Variants in GPM6B observed in about 807,000 individuals in gnomAD.
GPM6B encodes the protein neuronal membrane glycoprotein M6-b.
Under a neutral mutation model 27.2 loss-of-function variants are expected in GPM6B, and 4 were observed. The ratio of observed to expected loss-of-function variants is 0.15; its 90% CI spans 0.07 to 0.34. The LOEUF (loss-of-function observed/expected upper bound fraction) is 0.34, where lower values mean the gene tolerates loss of function less well. Ranked by LOEUF, GPM6B falls within the 10% of genes least tolerant of loss-of-function variation. GPM6B has a pLI of 1.00. For synonymous variants in GPM6B, 124 were observed against 103.1 expected (o/e 1.20, Z -1.23); for missense variants, 183 against 261.9 (o/e 0.70, Z 2.08).
At chrX:13,883,852 C>T (rs1420292963) in intron 1 of GPM6B, among the ~76,000 whole-genome samples, 1 of 56,174 alleles carries the variant, frequency 1.8e-5, no homozygotes, top group East Asian at 8.4e-4. Flanking sequence ...TGTCTCTAAA[C>T]CAAAAAAAAA....
intron 1 of GPM6B, among the ~76,000 whole-genome samples, chrX:13,881,077 T>C (rs1292294770): frequency 8.9e-6 from 1 of 112,180 alleles, no homozygotes; most frequent in Non-Finnish European, 1.9e-5. Flanking sequence ...TTGCCTGTTC[T>C]CCTGTCTTGT....
chrX:13,903,469 T>C (rs2050300630), intron 1 of GPM6B, among the ~76,000 whole-genome samples: 1 of 112,120 alleles, frequency 8.9e-6, no homozygotes, highest in South Asian at 3.7e-4. Flanking sequence ...AGAATAAGTA[T>C]AGGCACTTGC....
intron 1 of GPM6B, among the ~76,000 whole-genome samples, chrX:13,930,570 T>C (rs1370341096): frequency 6.4e-5 from 7 of 109,205 alleles, no homozygotes; most frequent in Admixed American, 2.9e-4. Context: ...GCCGAGATCG[T>C]GCCACTGCAC....
intron 1 of GPM6B, among the ~76,000 whole-genome samples, chrX:13,840,589 A>G (rs2049560888): frequency 1.8e-5 from 2 of 111,650 alleles, no homozygotes; most frequent in Non-Finnish European, 3.8e-5. Flanking sequence ...AGTAAGAAGG[A>G]ATTCCTCCAC....
chrX:13,913,778 G>T (rs1015900948), intron 1 of GPM6B, among the ~76,000 whole-genome samples: 2 of 111,304 alleles, frequency 1.8e-5, no homozygotes, highest in Admixed American at 9.5e-5. Context: ...TCGAGACAGG[G>T]TCTCATTCTG....
chrX:13,821,959 A>C (rs1349446030), upstream of GPM6B, among the ~76,000 whole-genome samples: 2 of 112,024 alleles, frequency 1.8e-5, no homozygotes, highest in Non-Finnish European at 1.9e-5. Flanking sequence ...ATCAAGTTGC[A>C]TAATGATATA....
At chrX:13,822,305 C>CT (rs2049317097), upstream of GPM6B, among the ~76,000 whole-genome samples, 2 of 111,750 alleles carry the variant, frequency 1.8e-5, no homozygotes, top group South Asian at 7.4e-4. Flanking sequence ...AGCAATTTTT[C>CT]TTTTTTCTAA....
chrX:13,772,075 T>C lies in GPM6B; in HGVS notation c.*806A>G, dbSNP rs994256206. On this transcript the variant is annotated 3_prime_UTR_variant, in exon 8 of 8. Coordinates refer to ENST00000316715, the MANE Select transcript of GPM6B (RefSeq NM_001001995.3). ...ATTCTGTGAAAGATATTTGGGTCTC[T>C]AGTTATGATATAAATTCTTAGAAAT... 2.7e-5 allele frequency: 3 copies of C among 112,296 alleles called. No homozygotes were observed. The highest frequency in any genetic ancestry group is 2.8e-4 in the East Asian group (1 of 3,621). The allele number at this position is 112,296 out of a possible 1,213,427, so 9.3% of individuals were successfully genotyped here.
At chrX:13,829,573 G>A (rs1438505343) in intron 1 of GPM6B, among the ~76,000 whole-genome samples, 4 of 110,549 alleles carry the variant, frequency 3.6e-5, no homozygotes, top group African/African-American at 1.3e-4. Context: ...CCCTTGCCTG[G>A]CCTGGATTTC....
At chrX:13,774,289 AT>A in intron 7 of GPM6B, 1 of 906,697 alleles carries the variant, frequency 1.1e-6, no homozygotes, top group Non-Finnish European at 1.4e-6. Context: ...TGAGAACATT[AT>A]TTTAAAAAGG....
At chrX:13,883,950 G>A (rs1347481778) in intron 1 of GPM6B, among the ~76,000 whole-genome samples, 2 of 111,873 alleles carry the variant, frequency 1.8e-5, no homozygotes, top group Non-Finnish European at 3.8e-5. Context: ...GGCCAAGGCG[G>A]GCAGATCACA....
chrX:13,860,460 T>C (rs2049831720), intron 1 of GPM6B, among the ~76,000 whole-genome samples: 1 of 100,890 alleles, frequency 9.9e-6, no homozygotes, highest in Admixed American at 1.1e-4. Flanking sequence ...TTTTTTGCTC[T>C]CAAAGAATCA....
Position 13,777,417 on chromosome X carries a change from G to A in GPM6B, c.706C>T (p.Pro236Ser). 1 of 1,189,223 alleles carries A rather than the reference G, an allele frequency of 8.4e-7. No homozygotes were observed. Among genetic ancestry groups the A allele is most frequent in the Non-Finnish European group, 1.1e-6 (1 of 875,068 alleles). Reference sequence around the variant, plus strand: ...ATTTTTCCGGGGAAAGCATTCCAAGGAATGATACCTGTAAAATGAACCCCA... The same window carrying A: ...ATTTTTCCGGGGAAAGCATTCCAAGAAATGATACCTGTAAAATGAACCCCA... ...CVDIRQYGII[P>S]WNAFPGKICG... is the part of the protein sequence containing the mutation. The change falls in exon 6 of 8, where the codon CCT becomes TCT. Residue 236 changes from proline to serine, a missense_variant. Coordinates refer to ENST00000316715, the MANE Select transcript of GPM6B (RefSeq NM_001001995.3).
intron 1 of GPM6B, among the ~76,000 whole-genome samples, chrX:13,848,441 C>T (rs1350259191): frequency 8.9e-6 from 1 of 111,909 alleles, no homozygotes; most frequent in African/African-American, 3.3e-5. Flanking sequence ...CTTTATTTTA[C>T]ATGTGATGGA....
chrX:13,790,857 A>G (rs1257064371), intron 2 of GPM6B, among the ~76,000 whole-genome samples: 1 of 99,405 alleles, frequency 1.0e-5, no homozygotes, highest in African/African-American at 4.0e-5. Context: ...GAGAAAGCAG[A>G]TTTCTAAACA....
intron 1 of GPM6B, among the ~76,000 whole-genome samples, chrX:13,931,588 C>T (rs1026499756): frequency 3.6e-5 from 4 of 111,645 alleles, no homozygotes; most frequent in African/African-American, 9.8e-5. Flanking sequence ...ATCCTCAACC[C>T]CTCTGTAGTC....
chrX:13,800,288 T>C (rs1259889023), intron 2 of GPM6B, among the ~76,000 whole-genome samples: 1 of 112,174 alleles, frequency 8.9e-6, no homozygotes, highest in African/African-American at 3.2e-5. Flanking sequence ...AGCTTGGAAG[T>C]GGATCCTTCC....
chrX:13,824,040 T>TC (rs1211592344), intron 1 of GPM6B, among the ~76,000 whole-genome samples: 13 of 112,110 alleles, frequency 1.2e-4, no homozygotes, highest in Admixed American at 7.5e-4. Flanking sequence ...GTATTGCTGC[T>TC]CCTCTCCTCG....
chrX:13,803,238 A>C (rs950753584), intron 2 of GPM6B, among the ~76,000 whole-genome samples: 11 of 111,463 alleles, frequency 9.9e-5, no homozygotes, highest in Non-Finnish European at 2.1e-4. Context: ...CTGTGGTTAC[A>C]TCTGGGCAGA....
Sources: gnomAD v4.1 joint callset for allele counts (sites outside exome capture counted in the v4.1 genomes callset) on GRCh38, gnomAD v4.1.1 for gene constraint, MANE v1.5 for transcripts, NCBI Gene and HGNC (gene_info 2026-07-23, HGNC 2026-07-21) for gene names.